The following BECN1 variants were observed in gnomAD, a reference collection of about 807,000 sequenced individuals.
The protein encoded by BECN1 is beclin-1.
A neutral mutation model predicts 60.1 loss-of-function variants in BECN1; 15 were observed. The ratio of observed to expected loss-of-function variants is 0.25; its 90% CI spans 0.17 to 0.38. The LOEUF is 0.38. BECN1 is among the 10% of genes least tolerant of loss of function. The pLI is 1.00. For missense variants in BECN1, 424 were observed against 548.2 expected (o/e 0.77, Z 2.26); for synonymous variants, 179 against 201.8 (o/e 0.89, Z 0.96).
Position 42,818,768 on chromosome 17 carries a change from C to T in BECN1, c.351+19G>A, listed in dbSNP as rs200810254. The T allele has an allele frequency of 2.2e-5, 36 of 1,614,002 alleles. No individual in the cohort carries two copies. Among genetic ancestry groups the T allele is most frequent in the African/African-American group, 2.1e-4 (16 of 75,016 alleles). The stretch of plus-strand genomic sequence containing the variant: ...CCCAGCCAGGCCTACTGCTTGCCAC[C>T]GGAATGGGGCCGACTTGCCTTCAGT... On this transcript the variant is annotated intron_variant, in intron 5 of 11. Coordinates refer to ENST00000590099, the MANE Select transcript of BECN1 (RefSeq NM_001313998.2).
At chr17:42,816,969 C>CA (rs912630026) in intron 7 of BECN1, among the ~76,000 whole-genome samples, 18 of 149,146 alleles carry the variant, frequency 1.2e-4, no homozygotes, top group East Asian at 3.9e-4. Context: ...GACTCTGTCT[C>CA]AAAAAAAAAC....
At chr17:42,811,820 C>A in intron 10 of BECN1, 23 bp from the exon 11 acceptor site, 1 of 1,603,914 alleles carries the variant, frequency 6.2e-7, no homozygotes, top group South Asian at 1.1e-5. Context: ...AGAAAACTGG[C>A]TATGGATCTG....
chr17:42,820,389 T>A (rs894342938), intron 3 of BECN1: 1 of 191,726 alleles, frequency 5.2e-6, no homozygotes, highest in African/African-American at 2.3e-5. Flanking sequence ...CCAGGATGCT[T>A]TTGAGAATGG....
In BECN1 at chr17:42,810,904, A is replaced by G. The variant is rs1444047052; in HGVS notation, c.1209T>C (p.Ile403=). The G allele has an allele frequency of 1.9e-6, 3 of 1,610,894 alleles. No homozygotes were observed. Among genetic ancestry groups the G allele is most frequent in the South Asian group, 1.1e-5 (1 of 90,152 alleles). ...AGCCGCCACTGCCTCCTGTGTCTTC[A>G]ATCTTGCCTTTCTCCACATCCATCC... is the stretch of plus-strand genomic sequence containing the variant. ...PYRMDVEKGK[I]EDTGGSGGSY... The change falls in exon 12 of 12, where the codon ATT becomes ATC. Residue 403 remains isoleucine (I), a synonymous_variant. Transcript: ENST00000590099.
Position 42,818,344 on chromosome 17 carries a change from A to G in BECN1, c.560T>C (p.Leu187Pro). 1.2e-6 allele frequency: 2 copies of G among 1,614,190 alleles called. No individual in the cohort carries two copies. The highest frequency in any genetic ancestry group is 1.3e-5 in the African/African-American group (1 of 75,026). Reference sequence around the variant, plus strand: ...GATCAGCCTCTCCTCCTCTAGTGCCAGCTCCTTTAGCTCCATCTGTAACTG... The same window carrying G: ...GATCAGCCTCTCCTCCTCTAGTGCCGGCTCCTTTAGCTCCATCTGTAACTG... ...SEQLQMELKE[L>P]ALEEERLIQE... The change falls in exon 7 of 12, where the codon CTG (leucine) becomes CCG (proline). Residue 187 changes from leucine to proline, a missense_variant. Leu to Pro is a moderately conservative substitution (Grantham distance 98). Around this residue, in one of 3 missense-constraint regions of BECN1, gnomAD observed 326 missense variants for 406.2 expected, o/e 0.80. Coordinates refer to ENST00000590099, the MANE Select transcript of BECN1 (RefSeq NM_001313998.2).
intron 7 of BECN1, among the ~76,000 whole-genome samples, chr17:42,816,883 T>A (rs1209693361): frequency 2.0e-5 from 3 of 151,692 alleles, no homozygotes; most frequent in African/African-American, 7.3e-5. Context: ...GGTAGGAGAA[T>A]CGCTTGAACC....
chr17:42,810,561 G>T lies in BECN1; in HGVS notation c.*199C>A. On this transcript the variant is annotated 3_prime_UTR_variant, in exon 12 of 12. Transcript: ENST00000590099. ...TAAGAATCAAAACTGACCAGGGCTG[G>T]CAACTATAGATGGCATGTTGTAGCT... The T allele has an allele frequency of 2.2e-6, 1 of 464,834 alleles. No homozygotes were observed. The allele number at this position is 464,834 out of a possible 1,614,324, so 28.8% of individuals were successfully genotyped here.
intron 8 of BECN1, 116 bp from the exon 9 acceptor site, chr17:42,814,789 C>T: frequency 7.7e-7 from 1 of 1,295,468 alleles, no homozygotes; most frequent in Non-Finnish European, 1.1e-6. Context: ...TATATGCAAG[C>T]TGTACTTGGC....
At position 42,824,158 on chromosome 17, in the gene BECN1, G is replaced by A. The variant is rs1008343205; in HGVS notation, c.-6C>T. The A allele has an allele frequency of 4.6e-6, 2 of 437,076 alleles. No individual in the cohort carries two copies. The highest frequency in any genetic ancestry group is 8.1e-6 in the Non-Finnish European group (2 of 246,680). 27.1% of individuals were successfully genotyped at this position (437,076 alleles called of 1,614,324 possible). A position where few individuals can be genotyped will look rare whatever the true frequency, so the allele number is the denominator to read the frequency against. On this transcript the variant is annotated 5_prime_UTR_variant, in exon 1 of 12. Transcript: ENST00000590099. ...CTCAGCCCCCGATGCTCTTCACCTC[G>A]GGAGCCCGGAGCCCGTCACCCAAGT...
intron 10 of BECN1, among the ~76,000 whole-genome samples, chr17:42,813,368 T>G (rs1363005804): frequency 6.6e-6 from 1 of 151,634 alleles, no homozygotes; most frequent in Non-Finnish European, 1.5e-5. Context: ...AAACCCCATC[T>G]CTACTAAAAA....
chr17:42,814,492 A>C, intron 9 of BECN1, 32 bp downstream of exon 9: 2 of 1,613,620 alleles, frequency 1.2e-6, no homozygotes, highest in Non-Finnish European at 1.7e-6. Flanking sequence ...ATCAATGCAC[A>C]TCACTCCCCA....
intron 2 of BECN1, 121 bp from the exon 3 acceptor site, chr17:42,820,962 G>C: frequency 1.2e-6 from 1 of 830,638 alleles, no homozygotes; most frequent in Non-Finnish European, 2.0e-6. Context: ...TTTTCTTAAA[G>C]TACCATTTAC....
At chr17:42,823,941 G>GT in intron 1 of BECN1, 62 bp from the exon 2 acceptor site, 1 of 1,575,848 alleles carries the variant, frequency 6.3e-7, no homozygotes, top group Non-Finnish European at 8.7e-7. Context: ...CCGGCCCGGG[G>GT]TTACCACATG....
intron 2 of BECN1, among the ~76,000 whole-genome samples, chr17:42,822,200 T>TCAAA (rs573310155): frequency 5.9e-5 from 9 of 152,260 alleles, no homozygotes; most frequent in East Asian, 3.9e-4. Context: ...AGACTCCGTC[T>TCAAA]CAAACAAACA....
Position 42,819,635 on chromosome 17 carries a change from C to T in BECN1, c.199-26G>A, listed in dbSNP as rs375695502. The T allele has an allele frequency of 5.6e-6, 9 of 1,609,810 alleles. No individual in the cohort carries two copies. In the African/African-American group the frequency reaches 1.2e-4, roughly 21 times the overall value. ...CTGGGAAAGAAATAAGAGGGCATTA[C>T]AACTCTGGCAGCTTAGAGGTAGAGT... On this transcript the variant is annotated intron_variant, in intron 3 of 11. Coordinates refer to ENST00000590099, the MANE Select transcript of BECN1 (RefSeq NM_001313998.2).
At chr17:42,814,158 G>C in intron 9 of BECN1, 150 bp from the exon 10 acceptor site, 1 of 557,538 alleles carries the variant, frequency 1.8e-6, no homozygotes, top group Non-Finnish European at 3.1e-6. Flanking sequence ...TTGAATCCAT[G>C]TTTAAAAGAT....
intron 8 of BECN1, 189 bp downstream of exon 8, chr17:42,815,719 G>A (rs1483357185): frequency 9.9e-6 from 7 of 709,008 alleles, no homozygotes; most frequent in African/African-American, 1.8e-5. Flanking sequence ...TTCTTTAGAA[G>A]GGCGGATGTC....
intron 8 of BECN1, chr17:42,815,598 G>C (rs1038605043): frequency 1.8e-5 from 7 of 382,286 alleles, no homozygotes; most frequent in Non-Finnish European, 2.9e-5. Context: ...TTCCAGAGTA[G>C]ACACTCAACA....
chr17:42,814,783 T>C (rs111550004), intron 8 of BECN1, 110 bp from the exon 9 acceptor site: 6 of 1,367,826 alleles, frequency 4.4e-6, no homozygotes, highest in African/African-American at 2.9e-5. Context: ...AGTCCATATA[T>C]GCAAGCTGTA....
Sources: allele counts gnomAD v4.1 joint callset (sites outside exome capture counted in the v4.1 genomes callset), GRCh38; gene constraint gnomAD v4.1.1; regional missense constraint gnomAD v4.1.1; transcripts MANE v1.5; gene names NCBI Gene and HGNC (gene_info 2026-07-23, HGNC 2026-07-21).